Variants in PDE4D observed in about 807,000 individuals in gnomAD.
The protein encoded by PDE4D is 3',5'-cyclic-AMP phosphodiesterase 4D.
In PDE4D, 24 loss-of-function variants were observed where a neutral mutation model predicts 87.4. The ratio of observed to expected loss-of-function variants is 0.27; its 90% confidence interval spans 0.20 to 0.39. The LOEUF (loss-of-function observed/expected upper bound fraction) is 0.39, where lower values mean the gene tolerates loss of function less well. PDE4D is among the 10% of genes least tolerant of loss of function. The pLI, the probability that PDE4D is intolerant of heterozygous loss-of-function variation, is 1.00. For synonymous variants in PDE4D, 384 were observed against 383.2 expected (o/e 1.00, Z -0.02); for missense variants, 714 against 1,041.0 (o/e 0.69, Z 4.32).
Position 60,156,574 on chromosome 5 carries a change from A to G in PDE4D, c.42+28983T>C, listed in dbSNP as rs866958251. Among the ~76,000 whole-genome samples, 21 of 152,332 alleles carry G rather than the reference A, an allele frequency of 1.4e-4. No individual in the cohort carries two copies. In the South Asian group the frequency reaches 2.1e-3, roughly 15 times the overall value. On this transcript the variant is annotated intron_variant, in intron 2 of 16. Coordinates refer to the PDE4D transcript ENST00000502484. ...TAATCACTTCTGGATTATCACTAGT[A>G]TAATACAAAATCAGTTAAAATATTT...
chr5:60,129,833 C>T (rs1412887617), intron 2 of PDE4D, among the ~76,000 whole-genome samples: 2 of 152,162 alleles, frequency 1.3e-5, no homozygotes, highest in African/African-American at 4.8e-5. Flanking sequence ...GTAGCTAGAA[C>T]AGAAAGGTCT....
chr5:60,276,908 T>C (rs1021178425), intron 1 of PDE4D, among the ~76,000 whole-genome samples: 1 of 152,048 alleles, frequency 6.6e-6, no homozygotes, highest in Non-Finnish European at 1.5e-5. Context: ...TTTATCTTTT[T>C]AATTTTGAAC....
intron 1 of PDE4D, among the ~76,000 whole-genome samples, chr5:59,222,911 C>A (rs1020414774): frequency 2.0e-5 from 3 of 152,182 alleles, no homozygotes; most frequent in Non-Finnish European, 4.4e-5. Context: ...AGCTAGTACA[C>A]TCCCATTATT....
chr5:59,946,409 C>T (rs1364723548), intron 3 of PDE4D, among the ~76,000 whole-genome samples: 1 of 152,124 alleles, frequency 6.6e-6, no homozygotes, highest in Admixed American at 6.5e-5. Flanking sequence ...CTTCAGGAAG[C>T]TAAAAGAGTT....
chr5:59,932,975 T>TG (rs1243339285), intron 3 of PDE4D, among the ~76,000 whole-genome samples: 2 of 152,192 alleles, frequency 1.3e-5, no homozygotes, highest in Non-Finnish European at 2.9e-5. Context: ...CTCCCTTTTC[T>TG]GGGGCAGCAA....
chr5:59,354,720 C>T (rs765280784), intron 1 of PDE4D, among the ~76,000 whole-genome samples: 12 of 152,184 alleles, frequency 7.9e-5, no homozygotes, highest in Non-Finnish European at 2.9e-5. Flanking sequence ...CCACTCAATT[C>T]AACTTATGAT....
intron 2 of PDE4D, among the ~76,000 whole-genome samples, chr5:60,061,108 G>T (rs1023355502): frequency 2.6e-5 from 4 of 152,024 alleles, no homozygotes; most frequent in African/African-American, 4.8e-5. Flanking sequence ...AAGAAATAAA[G>T]CGTATTCAAA....
At chr5:59,819,970 G>A (rs760572694) in intron 1 of PDE4D, among the ~76,000 whole-genome samples, 1 of 152,174 alleles carries the variant, frequency 6.6e-6, no homozygotes, top group Non-Finnish European at 1.5e-5. Context: ...TGCTACTGCT[G>A]CATACTAGTG....
intron 1 of PDE4D, among the ~76,000 whole-genome samples, chr5:60,502,733 C>T (rs1750143566): frequency 6.6e-6 from 1 of 152,132 alleles, no homozygotes; most frequent in East Asian, 1.9e-4. Flanking sequence ...ATAGTTGATC[C>T]ATGCTTTTGG....
intron 6 of PDE4D, among the ~76,000 whole-genome samples, chr5:59,016,986 T>C (rs1754132665): frequency 6.6e-6 from 1 of 152,046 alleles, no homozygotes; most frequent in South Asian, 2.1e-4. Context: ...AATTAAGTAG[T>C]AAGGAAAAGC....
chr5:59,215,548 C>A, intron 2 of PDE4D: 1 of 412,976 alleles, frequency 2.4e-6, no homozygotes, highest in Non-Finnish European at 4.2e-6. Context: ...AAAATAAATA[C>A]ATGCGTGTGT....
chr5:60,324,364 C>G (rs1583424666), intron 1 of PDE4D, among the ~76,000 whole-genome samples: 1 of 152,174 alleles, frequency 6.6e-6, no homozygotes, highest in Non-Finnish European at 1.5e-5. Flanking sequence ...GAATCATGTT[C>G]AGTAGTTTTT....
chr5:59,092,553 A>T (rs1265956174), intron 5 of PDE4D, among the ~76,000 whole-genome samples: 4 of 151,958 alleles, frequency 2.6e-5, no homozygotes, highest in East Asian at 1.9e-4. Context: ...ATGAAAAATG[A>T]TTTTGTAAAA....
chr5:59,091,228 T>C lies in PDE4D; in HGVS notation c.809-52257A>G. 2 of 417,146 alleles carry C rather than the reference T, an allele frequency of 4.8e-6. 1 individual carries two copies. Among genetic ancestry groups the C allele is most frequent in the South Asian group, 3.6e-5 (2 of 56,192 alleles). The allele number at this position is 417,146 out of a possible 1,614,324, so 25.8% of individuals were successfully genotyped here. A position where few individuals can be genotyped will look rare whatever the true frequency, so the allele number is the denominator to read the frequency against. On this transcript the variant is annotated intron_variant, in intron 5 of 14. Coordinates refer to ENST00000340635, the MANE Select transcript of PDE4D (RefSeq NM_001104631.2). The stretch of plus-strand genomic sequence containing the variant: ...CTCAACCACTTTGTCAAATGCTTTC[T>C]GCTTATCTGCTGAAGTTAAAGATAT...
intron 3 of PDE4D, among the ~76,000 whole-genome samples, chr5:59,900,976 C>A (rs187546427): frequency 1.3e-3 from 196 of 152,230 alleles, no homozygotes; most frequent in African/African-American, 4.5e-3. Context: ...ATTTTTAAAT[C>A]ACTTAAGAAA....
chr5:60,305,465 G>C (rs992804800), intron 1 of PDE4D, among the ~76,000 whole-genome samples: 3 of 151,896 alleles, frequency 2.0e-5, no homozygotes, highest in Non-Finnish European at 2.9e-5. Flanking sequence ...ACAGAGACTA[G>C]GGAGCTAACA....
At chr5:59,564,082 A>C (rs1403396795) in intron 1 of PDE4D, among the ~76,000 whole-genome samples, 1 of 152,178 alleles carries the variant, frequency 6.6e-6, no homozygotes, top group Admixed American at 6.5e-5. Context: ...GCCACTTACA[A>C]GTCATGTGAG....
At chr5:60,099,210 C>A (rs1425153234) in intron 2 of PDE4D, among the ~76,000 whole-genome samples, 2 of 151,798 alleles carry the variant, frequency 1.3e-5, no homozygotes, top group African/African-American at 4.8e-5. Flanking sequence ...AGTAGTTTTT[C>A]TCTTGCTGCT....
At chr5:59,671,818 A>G (rs1747260849) in intron 1 of PDE4D, among the ~76,000 whole-genome samples, 1 of 151,982 alleles carries the variant, frequency 6.6e-6, no homozygotes, top group Non-Finnish European at 1.5e-5. Context: ...AGGAAAAAAA[A>G]AAAAAAAGTA....
Sources: gnomAD v4.1 joint callset for allele counts (sites outside exome capture counted in the v4.1 genomes callset) on GRCh38, gnomAD v4.1.1 for gene constraint, MANE v1.5 for transcripts, NCBI Gene and HGNC (gene_info 2026-07-23, HGNC 2026-07-21) for gene names.